The following SDK1 variants were observed in gnomAD, a reference collection of about 807,000 sequenced individuals.
The protein encoded by SDK1 is protein sidekick-1.
SDK1 carries 157 observed loss-of-function variants against 245.5 expected under a neutral mutation model. The observed-to-expected ratio is 0.64, with a 90% confidence interval of 0.56 to 0.73. The LOEUF (loss-of-function observed/expected upper bound fraction) is 0.73. SDK1 is among the 30% of genes least tolerant of loss of function. The pLI is 0.00. For synonymous variants in SDK1, 1,647 were observed against 1,278.5 expected (o/e 1.29, Z -6.15); for missense variants, 3,583 against 3,002.3 (o/e 1.19, Z -4.52).
At chr7:4,148,252 G>T (rs1322027068) in intron 29 of SDK1, among the ~76,000 whole-genome samples, 2 of 152,234 alleles carry the variant, frequency 1.3e-5, no homozygotes, top group South Asian at 2.1e-4. Context: ...GCCACTGGGG[G>T]CCGACAATCA....
chr7:4,177,821 A>C (rs1227228489), intron 34 of SDK1, among the ~76,000 whole-genome samples: 1 of 152,230 alleles, frequency 6.6e-6, no homozygotes, highest in African/African-American at 2.4e-5. Context: ...ACGTAGAATC[A>C]GTGGGAGCCC....
At chr7:3,520,846 G>A (rs992609765) in intron 1 of SDK1, among the ~76,000 whole-genome samples, 1 of 152,170 alleles carries the variant, frequency 6.6e-6, no homozygotes, top group Admixed American at 6.5e-5. Context: ...TTTGTGAGTG[G>A]ATTAGTTTCC....
rs1782310728 is a variant in SDK1 at position 3,969,350 on chromosome 7, A to G, written c.1640A>G (p.Asp547Gly). 1 of 1,611,354 alleles carries G rather than the reference A, an allele frequency of 6.2e-7. No individual in the cohort carries two copies. Among genetic ancestry groups the G allele is most frequent in the South Asian group, 1.1e-5 (1 of 90,200 alleles). ...CAGATCGCGCCCGTCTTCATCCAGG[A>G]TGCCGGCAACTACACCTGCTATGCG... ...GLQIAPVFIQ[D>G]AGNYTCYAAN... Residue 547 changes from aspartate to glycine, a missense_variant, in exon 11 of 45, where the codon GAT (aspartate) becomes GGT (glycine). Coordinates refer to ENST00000404826, the MANE Select transcript of SDK1 (RefSeq NM_152744.4).
At chr7:3,853,799 G>C (rs1780474995) in intron 5 of SDK1, among the ~76,000 whole-genome samples, 2 of 152,032 alleles carry the variant, frequency 1.3e-5, no homozygotes, top group South Asian at 4.2e-4. Flanking sequence ...GACCATCCTG[G>C]CCAACATGGT....
At chr7:3,606,830 G>C (rs1434478865) in intron 1 of SDK1, among the ~76,000 whole-genome samples, 1 of 148,160 alleles carries the variant, frequency 6.7e-6, no homozygotes, top group Non-Finnish European at 1.5e-5. Context: ...TTATTATTCT[G>C]TATGTGTCTT....
intron 17 of SDK1, among the ~76,000 whole-genome samples, chr7:4,046,845 C>A (rs182392100): frequency 6.7e-6 from 1 of 149,740 alleles, no homozygotes; most frequent in African/African-American, 2.5e-5. Flanking sequence ...TTTTTGAGAG[C>A]GGGTCTTGCT....
Position 3,639,086 on chromosome 7 carries a change from A to G in SDK1, c.541A>G (p.Arg181Gly), listed in dbSNP as rs1462408108. 1 of 1,600,514 alleles carries G rather than the reference A, an allele frequency of 6.2e-7. No individual in the cohort carries two copies. The highest frequency in any genetic ancestry group is 1.7e-5 in the Admixed American group (1 of 59,778). The change falls in exon 3 of 45, where the codon AGA becomes GGA. Residue 181 changes from arginine to glycine, a missense_variant. Transcript: ENST00000404826. The stretch of plus-strand genomic sequence containing the variant: ...AAACAGAATGGGAGCACTCCTGCAA[A>G]GAAAATCAGAAGTTCAAGTCGCATG... ...VRNRMGALLQ[R>G]KSEVQVAYMG...
chr7:3,992,452 A>T (rs1197915524), intron 14 of SDK1, among the ~76,000 whole-genome samples: 3 of 152,068 alleles, frequency 2.0e-5, no homozygotes, highest in Admixed American at 1.3e-4. Context: ...CACCTGGTGG[A>T]TTGAGGAGGG....
intron 20 of SDK1, among the ~76,000 whole-genome samples, chr7:4,072,020 C>T (rs1445509574): frequency 6.6e-6 from 1 of 152,250 alleles, no homozygotes; most frequent in East Asian, 1.9e-4. Flanking sequence ...TAATAATTCA[C>T]GTTGAGCCAA....
chr7:3,635,561 GTT>G (rs1421853477), intron 2 of SDK1, among the ~76,000 whole-genome samples: 1 of 152,132 alleles, frequency 6.6e-6, no homozygotes, highest in Non-Finnish European at 1.5e-5. Flanking sequence ...TTTTGAAAAA[GTT>G]TCTCTGGTTA....
intron 4 of SDK1, among the ~76,000 whole-genome samples, chr7:3,702,612 T>C (rs1455861144): frequency 6.6e-6 from 1 of 152,238 alleles, no homozygotes; most frequent in Admixed American, 6.5e-5. Flanking sequence ...CAGAGGCTGT[T>C]CTTTCTAAGT....
At chr7:3,398,693 C>T (rs946279924) in intron 1 of SDK1, among the ~76,000 whole-genome samples, 1 of 150,326 alleles carries the variant, frequency 6.7e-6, no homozygotes, top group African/African-American at 2.4e-5. Context: ...CAGTCTTCAC[C>T]AGGAGAACAT....
chr7:3,682,203 A>C (rs1051703813), intron 4 of SDK1, among the ~76,000 whole-genome samples: 3 of 152,188 alleles, frequency 2.0e-5, no homozygotes, highest in African/African-American at 7.2e-5. Flanking sequence ...AGGTATTATT[A>C]TACCCATTTC....
rs777353274 is a variant in SDK1 at position 4,245,762 on chromosome 7, G to C, written c.6338G>C (p.Ser2113Thr). ...NKYNGAVLTESVSLKEKSADA... is the reference protein window; with the variant it reads ...NKYNGAVLTETVSLKEKSADA... ...TACAACGGCGCCGTGCTGACCGAGA[G>C]CGTGAGCCTCAAGGAGAAGTCGGCA... The change falls in exon 44 of 45, where the codon AGC becomes ACC. Residue 2113 changes from serine (S) to threonine (T), a missense_variant. Transcript: ENST00000404826. 1.2e-6 allele frequency: 2 copies of C among 1,614,012 alleles called. No homozygotes were observed. The highest frequency in any genetic ancestry group is 1.7e-6 in the Non-Finnish European group (2 of 1,179,970).
chr7:3,947,171 A>C (rs900781163), intron 5 of SDK1, among the ~76,000 whole-genome samples: 1 of 152,104 alleles, frequency 6.6e-6, no homozygotes, highest in East Asian at 1.9e-4. Flanking sequence ...ATGCACACAC[A>C]CACACACGCT....
intron 5 of SDK1, among the ~76,000 whole-genome samples, chr7:3,875,208 AG>A (rs1353455015): frequency 7.1e-6 from 1 of 141,684 alleles, no homozygotes; most frequent in Admixed American, 7.0e-5. Context: ...GTTTTGAGTT[AG>A]TTTTTTCCCT....
intron 44 of SDK1, among the ~76,000 whole-genome samples, chr7:4,264,388 T>TGTGGACCTCTCCTGAGTGAGGGAGGCCGC (rs1788299237): frequency 1.8e-5 from 1 of 54,528 alleles, no homozygotes; most frequent in African/African-American, 7.3e-5. Context: ...AGGGAGGCCG[T>TGTGGACCTCTCCTGAGTGAGGGAGGCCGC]GTGGACCTCT....
intron 1 of SDK1, among the ~76,000 whole-genome samples, chr7:3,318,114 G>A (rs2128545996): frequency 6.6e-6 from 1 of 152,226 alleles, no homozygotes; most frequent in Non-Finnish European, 1.5e-5. Flanking sequence ...TATACAGATG[G>A]TAGCATACTC....
intron 5 of SDK1, among the ~76,000 whole-genome samples, chr7:3,868,093 A>G (rs1228563884): frequency 6.6e-6 from 1 of 152,234 alleles, no homozygotes; most frequent in African/African-American, 2.4e-5. Flanking sequence ...GAAGGACTGC[A>G]GCTGTGTGGC....
Sources: allele counts gnomAD v4.1 joint callset (sites outside exome capture counted in the v4.1 genomes callset), GRCh38; gene constraint gnomAD v4.1.1; transcripts MANE v1.5; gene names NCBI Gene and HGNC (gene_info 2026-07-23, HGNC 2026-07-21).